The following ZBBX variants were observed in gnomAD, a reference collection of about 807,000 sequenced individuals.
ZBBX encodes zinc finger B-box domain containing, also known as zinc finger B-box domain-containing protein 1.
ZBBX carries 101 observed loss-of-function variants against 108.5 expected under a neutral mutation model. That is an observed-to-expected ratio of 0.93 (90% CI 0.79 to 1.10). The LOEUF (loss-of-function observed/expected upper bound fraction) is 1.10. Ranked by LOEUF, ZBBX falls within the 50% of genes least tolerant of loss-of-function variation. The pLI is 0.00. For synonymous variants in ZBBX, 356 were observed against 323.4 expected, an observed-to-expected ratio of 1.10 and a Z score of -1.08; for missense variants, 1,009 against 941.4, an observed-to-expected ratio of 1.07 and a Z score of -0.94.
chr3:167,218,925 C>T, the ZBBX span, among the ~76,000 whole-genome samples: 1,960 of 151,834 alleles, frequency 0.013, 48 homozygotes, highest in African/African-American at 0.045. Context: ...GAAAAATCAA[C>T]GTATGGAGAA....
Position 167,368,536 on chromosome 3 carries a change from TCTAA to T in ZBBX, c.103_106del (p.Leu35SerfsTer46), listed in dbSNP as rs772307913. On this transcript the variant is annotated frameshift_variant, in exon 5 of 22. Transcript: ENST00000675490. LOFTEE classifies it high-confidence loss of function. ...CTTCTCCATCTCTTGGTTCTCAAAC[TCTAA>T]CTGTACTTTCTCCATTCGCAGTTCT... 7.4e-6 allele frequency: 12 copies of T among 1,612,154 alleles called. No individual in the cohort carries two copies. The highest frequency in any genetic ancestry group is 2.7e-5 in the African/African-American group (2 of 74,846).
chr3:167,255,627 T>G (rs1412417267), intron 20 of ZBBX, among the ~76,000 whole-genome samples: 2 of 152,078 alleles, frequency 1.3e-5, no homozygotes, highest in East Asian at 3.8e-4. Flanking sequence ...TCCATTACTC[T>G]TTATTTTTAC....
chr3:167,203,496 C>G, the ZBBX span, among the ~76,000 whole-genome samples: 1 of 151,866 alleles, frequency 6.6e-6, no homozygotes, highest in South Asian at 2.1e-4. Context: ...TATGCTAAGA[C>G]AAAATGAAAG....
At chr3:167,322,963 A>T (rs1188863793) in intron 11 of ZBBX, among the ~76,000 whole-genome samples, 1 of 152,064 alleles carries the variant, frequency 6.6e-6, no homozygotes, top group Non-Finnish European at 1.5e-5. Context: ...CATATTGTAG[A>T]CTTCAATGAT....
At chr3:167,197,463 A>T in the ZBBX span, among the ~76,000 whole-genome samples, 2 of 152,140 alleles carry the variant, frequency 1.3e-5, no homozygotes, top group Non-Finnish European at 2.9e-5. Context: ...GTGTGAACCC[A>T]GGAGGTGGAG....
At position 167,317,574 on chromosome 3, in the gene ZBBX, T is replaced by G. The variant is rs1327813324; in HGVS notation, c.1007A>C (p.Lys336Thr). 1.9e-6 allele frequency: 3 copies of G among 1,610,080 alleles called. No homozygotes were observed. The Admixed American group carries it at 5.1e-5, about 27-fold the overall frequency. ...HRRTPQEQLF[K>T]MLPDTFPHPH... ...ATGTGGGAACGTATCTGGTAGCATT[T>G]TAAAAAGTTGCTCTTGTGGAGTTCT... Residue 336 changes from lysine to threonine, a missense_variant, in exon 13 of 22, where the codon AAA becomes ACA. Physicochemically the swap from Lys to Thr is moderately conservative, Grantham distance 78. Transcript: ENST00000675490.
intron 20 of ZBBX, among the ~76,000 whole-genome samples, chr3:167,248,937 AG>A (rs902271176): frequency 6.6e-6 from 1 of 152,240 alleles, no homozygotes; most frequent in African/African-American, 2.4e-5. Context: ...AGGGATAAGC[AG>A]TGGAGAGTGA....
At chr3:167,404,920 G>A (rs1409300605) in intron 1 of ZBBX, among the ~76,000 whole-genome samples, 1 of 152,128 alleles carries the variant, frequency 6.6e-6, no homozygotes, top group Non-Finnish European at 1.5e-5. Flanking sequence ...AACTGGTCGG[G>A]GGGAGTAGAA....
At chr3:167,228,839 G>A in the ZBBX span, among the ~76,000 whole-genome samples, 1 of 151,750 alleles carries the variant, frequency 6.6e-6, no homozygotes, top group Non-Finnish European at 1.5e-5. Flanking sequence ...ATTTGAGAAG[G>A]TGAAGAAGTT....
chr3:167,397,477 CTTACT>C (rs2108640957), intron 1 of ZBBX, among the ~76,000 whole-genome samples: 1 of 151,838 alleles, frequency 6.6e-6, no homozygotes, highest in African/African-American at 2.4e-5. Flanking sequence ...GGATTATTCC[CTTACT>C]TTATCTTCTT....
intron 12 of ZBBX, 130 bp downstream of exon 12, chr3:167,321,987 A>G (rs1212874518): frequency 2.0e-6 from 1 of 504,906 alleles, no homozygotes; most frequent in Non-Finnish European, 3.1e-6. Flanking sequence ...CAGGGATTTA[A>G]TCTTGCTTTA....
intron 1 of ZBBX, chr3:167,399,556 A>C (rs1277346148): frequency 6.6e-6 from 1 of 152,166 alleles, no homozygotes; most frequent in Admixed American, 6.5e-5. Context: ...TGGGCGCTGG[A>C]GTATAAGCCA....
In ZBBX at chr3:167,387,641, A is replaced by G. The variant is rs758725767; in HGVS notation, c.-445-7236T>C. 4.6e-5 allele frequency among the ~76,000 whole-genome samples: 7 copies of G among 152,142 alleles called. No homozygotes were observed. The Middle Eastern group carries it at 0.014, about 296-fold the overall frequency. Reference sequence around the variant, plus strand: ...TACAAGGGACTCAAGAGACGTGGAGAAAGAGAGAAGAGGTGGAAGGAAGTC... The same window carrying G: ...TACAAGGGACTCAAGAGACGTGGAGGAAGAGAGAAGAGGTGGAAGGAAGTC... On this transcript the variant is annotated intron_variant, in intron 1 of 21. Transcript: ENST00000455345.
chr3:167,240,972 CT>C, intron 21 of ZBBX, 53 bp from the exon 22 acceptor site: 1 of 1,584,912 alleles, frequency 6.3e-7, no homozygotes, highest in Non-Finnish European at 8.6e-7. Context: ...GGTTTCAACT[CT>C]TCATTTATCT....
intron 9 of ZBBX, 44 bp downstream of exon 9, chr3:167,350,376 A>G: frequency 6.8e-7 from 1 of 1,461,576 alleles, no homozygotes; most frequent in Non-Finnish European, 9.3e-7. Context: ...ATGTGGAAAC[A>G]TTTTATAAAC....
At chr3:167,197,790 A>C in the ZBBX span, among the ~76,000 whole-genome samples, 19 of 152,330 alleles carry the variant, frequency 1.2e-4, no homozygotes, top group East Asian at 2.1e-3. Context: ...TATTCTTGCT[A>C]TGCTATATAG....
At position 167,243,143 on chromosome 3, in the gene ZBBX, T is replaced by A. The variant is rs536182574; in HGVS notation, c.2255-500A>T. 8.9e-4 allele frequency among the ~76,000 whole-genome samples: 136 copies of A among 152,300 alleles called. 1 individual carries two copies. Among genetic ancestry groups the A allele is most frequent in the African/African-American group, 3.2e-3 (131 of 41,566 alleles). On this transcript the variant is annotated intron_variant, in intron 20 of 21. Coordinates refer to ENST00000675490, the MANE Select transcript of ZBBX (RefSeq NM_001199201.2). ...ATTTGAAAGCAGAGAAGCCTTAAAT[T>A]TTTCTTTTCATGAAGCTGGCTTATG... is the stretch of plus-strand genomic sequence containing the variant.
the ZBBX span, among the ~76,000 whole-genome samples, chr3:167,194,287 G>T: frequency 6.8e-6 from 1 of 147,280 alleles, no homozygotes; most frequent in African/African-American, 2.5e-5. Flanking sequence ...ATAGAGCACA[G>T]AACTGTAAAA....
rs752536457 is a variant in ZBBX at position 167,282,419 on chromosome 3, T to G, written c.2073A>C (p.Ser691=). The change falls in exon 20 of 22, where the codon TCA becomes TCC. Residue 691 remains serine, a synonymous_variant. Transcript: ENST00000675490. The part of the protein sequence containing the change: ...NSVKESSSCL[S]SSHPRSRSAA... The stretch of plus-strand genomic sequence containing the variant: ...CACTTCTTGATCGAGGATGAGAGGA[T>G]GAAAGGCAACTGGAGCTTTCTTTAA... 1.1e-5 allele frequency: 18 copies of G among 1,614,094 alleles called. No individual in the cohort carries two copies. The highest frequency in any genetic ancestry group is 1.4e-5 in the Non-Finnish European group (17 of 1,179,976).
Sources: gnomAD v4.1 joint callset for allele counts (sites outside exome capture counted in the v4.1 genomes callset) on GRCh38, gnomAD v4.1.1 for gene constraint, MANE v1.5 for transcripts, NCBI Gene and HGNC (gene_info 2026-07-23, HGNC 2026-07-21) for gene names.